Variants in LEPROT observed in about 807,000 individuals in gnomAD.
The protein encoded by LEPROT is leptin receptor overlapping transcript.
LEPROT carries 3 observed loss-of-function variants against 15.4 expected under a neutral mutation model. The observed-to-expected ratio is 0.19, with a 90% CI of 0.09 to 0.50. The LOEUF (loss-of-function observed/expected upper bound fraction) is 0.50, where lower values mean the gene tolerates loss of function less well. Among genes scored for constraint, LEPROT ranks in the 20% least tolerant of loss-of-function variants. LEPROT has a pLI of 0.97. For missense variants in LEPROT, 137 were observed against 162.2 expected (o/e 0.84, Z 0.84); for synonymous variants, 59 against 57.5 (o/e 1.03, Z -0.12).
chr1:65,434,449 A>T lies in LEPROT; in HGVS notation c.*2530A>T. ...ATGAAGGGATTCTTTATCATGTTTC[A>T]AACAAGTGGGTTACAAGCAGACTTT... On this transcript the variant is annotated 3_prime_UTR_variant, in exon 4 of 4. Coordinates refer to ENST00000371065, the MANE Select transcript of LEPROT (RefSeq NM_017526.5). The T allele has an allele frequency of 1.0e-6, 1 of 985,420 alleles. No homozygotes were observed. The highest frequency in any genetic ancestry group is 1.2e-6 in the Non-Finnish European group (1 of 829,936). 61.0% of individuals were successfully genotyped at this position (985,420 alleles called of 1,614,324 possible). A position where few individuals can be genotyped will look rare whatever the true frequency, so the allele number is the denominator to read the frequency against.
In LEPROT at chr1:65,420,718, G is replaced by A. The variant is rs1243885411; in HGVS notation, c.-7G>A. Reference sequence around the variant, plus strand: ...CCGGAAGCAGCCGCGGCCCCAGTTCGGGAGACATGGCGGGCGTTAAAGGTA... The same window carrying A: ...CCGGAAGCAGCCGCGGCCCCAGTTCAGGAGACATGGCGGGCGTTAAAGGTA... On this transcript the variant is annotated 5_prime_UTR_variant, in exon 1 of 4. Transcript: ENST00000371065. The A allele has an allele frequency of 6.3e-7, 1 of 1,583,632 alleles. No homozygotes were observed. Among genetic ancestry groups the A allele is most frequent in the African/African-American group, 1.3e-5 (1 of 74,512 alleles).
intron 2 of LEPROT, among the ~76,000 whole-genome samples, chr1:65,426,620 T>A (rs1646376908): frequency 6.6e-6 from 1 of 151,812 alleles, no homozygotes; most frequent in Admixed American, 6.6e-5. Context: ...AACCAACAGG[T>A]TTTGTTCATC....
chr1:65,430,142 C>T, intron 3 of LEPROT, 94 bp downstream of exon 3: 5 of 1,122,116 alleles, frequency 4.5e-6, no homozygotes, highest in Non-Finnish European at 6.1e-6. Flanking sequence ...ATTACTTAGG[C>T]TTTATACTCA....
chr1:65,432,928 G>C lies in LEPROT; in HGVS notation c.*1009G>C. 1 of 962,576 alleles carries C rather than the reference G, an allele frequency of 1.0e-6. No individual in the cohort carries two copies. Among genetic ancestry groups the C allele is most frequent in the Non-Finnish European group, 1.2e-6 (1 of 809,348 alleles). The allele number at this position is 962,576 out of a possible 1,614,324, so 59.6% of individuals were successfully genotyped here. Reference sequence around the variant, plus strand: ...ACCCTATAAAAATATACAATAATTTGTCAATATATAATCAAAATAAAAAAC... The same window carrying C: ...ACCCTATAAAAATATACAATAATTTCTCAATATATAATCAAAATAAAAAAC... On this transcript the variant is annotated 3_prime_UTR_variant, in exon 4 of 4. Coordinates refer to ENST00000371065, the MANE Select transcript of LEPROT (RefSeq NM_017526.5).
chr1:65,431,347 A>G (rs1450429017), intron 3 of LEPROT, among the ~76,000 whole-genome samples: 11 of 152,188 alleles, frequency 7.2e-5, no homozygotes. Flanking sequence ...CAAACCATCT[A>G]CTAAGCTGGA....
Position 65,425,398 on chromosome 1 carries a change from A to G in LEPROT, c.92+20A>G. 1.3e-6 allele frequency: 2 copies of G among 1,578,866 alleles called. No individual in the cohort carries two copies. The highest frequency in any genetic ancestry group is 1.7e-6 in the Non-Finnish European group (2 of 1,163,706). ...TTATGGGTAAGTTATCATTTCAAAA[A>G]GAACTATTCCTCTTTCTGTGTCTTT... On this transcript the variant is annotated intron_variant, in intron 2 of 3. Coordinates refer to ENST00000371065, the MANE Select transcript of LEPROT (RefSeq NM_017526.5).
intron 2 of LEPROT, among the ~76,000 whole-genome samples, chr1:65,425,635 C>T (rs1259890286): frequency 8.5e-6 from 1 of 117,862 alleles, no homozygotes; most frequent in Admixed American, 8.8e-5. Flanking sequence ...AAGAGAGAGT[C>T]CTGTCCTCAA....
chr1:65,425,440 G>A (rs1347051494), intron 2 of LEPROT, 62 bp downstream of exon 2: 4 of 1,408,590 alleles, frequency 2.8e-6, no homozygotes, highest in Non-Finnish European at 3.9e-6. Context: ...ATTAGTATGG[G>A]TGTTAGAGAG....
chr1:65,425,302 G>A lies in LEPROT; in HGVS notation c.17-1G>A. 2.5e-6 allele frequency: 4 copies of A among 1,612,296 alleles called. No homozygotes were observed. The highest frequency in any genetic ancestry group is 3.4e-6 in the Non-Finnish European group (4 of 1,179,508). On this transcript the variant is annotated splice_acceptor_variant, in intron 1 of 3. Transcript: ENST00000371065. LOFTEE classifies it high-confidence loss of function. ...TTAACTTTTGGCTTTATTTTTCACA[G>A]CTCTCGTGGCATTATCCTTCAGTGG...
chr1:65,425,535 T>C (rs1646344165), intron 2 of LEPROT, among the ~76,000 whole-genome samples, 157 bp downstream of exon 2: 1 of 152,242 alleles, frequency 6.6e-6, no homozygotes. Flanking sequence ...TCAGGTGTAC[T>C]TTTGCAGAGG....
chr1:65,426,913 G>A (rs1395292991), intron 2 of LEPROT, among the ~76,000 whole-genome samples: 2 of 152,070 alleles, frequency 1.3e-5, no homozygotes, highest in Admixed American at 1.3e-4. Flanking sequence ...CAGGAGAATT[G>A]CTTGAACACA....
In LEPROT at chr1:65,420,718, G is replaced by C. The variant is rs1243885411; in HGVS notation, c.-7G>C. ...CCGGAAGCAGCCGCGGCCCCAGTTC[G>C]GGAGACATGGCGGGCGTTAAAGGTA... On this transcript the variant is annotated 5_prime_UTR_variant, in exon 1 of 4. Transcript: ENST00000371065. 1.3e-6 allele frequency: 2 copies of C among 1,583,632 alleles called. No individual in the cohort carries two copies. The highest frequency in any genetic ancestry group is 1.9e-5 in the Admixed American group (1 of 53,470).
chr1:65,421,263 G>T (rs934399205), intron 1 of LEPROT: 4 of 1,452,176 alleles, frequency 2.8e-6, no homozygotes, highest in East Asian at 2.5e-5. Flanking sequence ...TCTCGCAGTC[G>T]TGGAGAGTAG....
intron 1 of LEPROT, among the ~76,000 whole-genome samples, chr1:65,422,271 C>CCATGGGAAGA (rs1304773173): frequency 6.6e-5 from 10 of 152,198 alleles, no homozygotes; most frequent in African/African-American, 2.4e-4. Context: ...AGGGAGAATA[C>CCATGGGAAGA]CATGGGAAGA....
At chr1:65,430,186 C>A in intron 3 of LEPROT, 138 bp downstream of exon 3, 1 of 677,856 alleles carries the variant, frequency 1.5e-6, no homozygotes, top group Non-Finnish European at 2.2e-6. Flanking sequence ...TGTTCCTCTA[C>A]TTTAGACCTG....
chr1:65,428,753 A>T (rs768146560), intron 2 of LEPROT, among the ~76,000 whole-genome samples: 1 of 152,206 alleles, frequency 6.6e-6, no homozygotes, highest in Admixed American at 6.5e-5. Flanking sequence ...GAAATGAAGC[A>T]TAAGAAATGT....
chr1:65,429,677 A>C (rs1365316125), intron 2 of LEPROT, among the ~76,000 whole-genome samples, 185 bp from the exon 3 acceptor site: 1 of 152,196 alleles, frequency 6.6e-6, no homozygotes, highest in Non-Finnish European at 1.5e-5. Context: ...CCTACATAGT[A>C]ATTTTAAAAT....
intron 1 of LEPROT, among the ~76,000 whole-genome samples, chr1:65,423,437 G>C (rs1314275388): frequency 6.6e-6 from 1 of 152,172 alleles, no homozygotes; most frequent in Non-Finnish European, 1.5e-5. Context: ...ACTGGTATCA[G>C]AACAGAAGGA....
Position 65,432,118 on chromosome 1 carries a change from T to A in LEPROT, c.*199T>A, listed in dbSNP as rs1253935196. The A allele has an allele frequency of 7.1e-6, 9 of 1,268,612 alleles. No homozygotes were observed. Among genetic ancestry groups the A allele is most frequent in the Middle Eastern group, 3.0e-4 (1 of 3,284 alleles). The allele number at this position is 1,268,612 out of a possible 1,614,324, so 78.6% of individuals were successfully genotyped here. On this transcript the variant is annotated 3_prime_UTR_variant, in exon 4 of 4. Coordinates refer to ENST00000371065, the MANE Select transcript of LEPROT (RefSeq NM_017526.5). Reference sequence around the variant, plus strand: ...AAATAGACCTGTCAAATTTAGATTATGTTACTCAAATTATGTTACTTGTTT... The same window carrying A: ...AAATAGACCTGTCAAATTTAGATTAAGTTACTCAAATTATGTTACTTGTTT...
Sources: gnomAD v4.1 joint callset for allele counts (sites outside exome capture counted in the v4.1 genomes callset) on GRCh38, gnomAD v4.1.1 for gene constraint, MANE v1.5 for transcripts, NCBI Gene and HGNC (gene_info 2026-07-23, HGNC 2026-07-21) for gene names.